The following PARD3B variants were observed in gnomAD, a reference collection of about 807,000 sequenced individuals.
PARD3B encodes partitioning defective 3 homolog B.
Under a neutral mutation model 130.2 loss-of-function variants are expected in PARD3B, and 103 were observed. That is an observed-to-expected ratio of 0.79 (90% CI 0.67 to 0.93). The LOEUF is 0.93. PARD3B is among the 40% of genes least tolerant of loss of function. PARD3B has a pLI of 0.00. For synonymous variants in PARD3B, 583 were observed against 553.2 expected, an observed-to-expected ratio of 1.05 and a Z score of -0.76; for missense variants, 1,609 against 1,499.2, an observed-to-expected ratio of 1.07 and a Z score of -1.21.
chr2:204,735,965 G>C (rs556444432), intron 2 of PARD3B, among the ~76,000 whole-genome samples: 1 of 152,296 alleles, frequency 6.6e-6, no homozygotes, highest in African/African-American at 2.4e-5. Context: ...ATGACAAAAA[G>C]CTGAAATATA....
intron 15 of PARD3B, among the ~76,000 whole-genome samples, chr2:205,238,835 CA>C (rs71879579): frequency 1.2e-3 from 31 of 26,094 alleles, no homozygotes; most frequent in South Asian, 3.2e-3. Flanking sequence ...AACTCCGTTT[CA>C]AAAAAAAAAA....
intron 2 of PARD3B, among the ~76,000 whole-genome samples, chr2:204,773,801 C>T (rs1186131147): frequency 6.6e-6 from 1 of 152,052 alleles, no homozygotes; most frequent in Non-Finnish European, 1.5e-5. Context: ...CTCTTCTCTT[C>T]CACGTACCCC....
chr2:205,466,248 A>C (rs943141821), intron 20 of PARD3B, among the ~76,000 whole-genome samples: 1 of 152,230 alleles, frequency 6.6e-6, no homozygotes, highest in Non-Finnish European at 1.5e-5. Flanking sequence ...ACATGCAGCA[A>C]ATCTTTTTAT....
At chr2:204,570,895 G>A (rs969013030) in intron 1 of PARD3B, among the ~76,000 whole-genome samples, 3 of 149,106 alleles carry the variant, frequency 2.0e-5, no homozygotes, top group Non-Finnish European at 4.4e-5. Context: ...TGCAACTGAG[G>A]TGTATAAGCT....
At position 205,158,666 on chromosome 2, in the gene PARD3B, T is replaced by G; in HGVS notation, c.1435-56T>G. 1.7e-5 allele frequency: 25 copies of G among 1,491,008 alleles called. No homozygotes were observed. The highest frequency in any genetic ancestry group is 2.2e-5 in the Non-Finnish European group (24 of 1,089,860). 92.4% of individuals were successfully genotyped at this position (1,491,008 alleles called of 1,614,324 possible). A position where few individuals can be genotyped will look rare whatever the true frequency, so the allele number is the denominator to read the frequency against. ...ATCTGTGTCTGGTCATCTGAGAGAG[T>G]GAAATATTAATCTGCTTTCTTCTCT... On this transcript the variant is annotated intron_variant, in intron 10 of 22. Transcript: ENST00000406610. This position sits in a 1 kb window ranked among gnomAD's most constrained non-coding sequence, Gnocchi z 5.4.
intron 21 of PARD3B, 125 bp downstream of exon 21, chr2:205,500,156 AG>A: frequency 8.8e-7 from 1 of 1,141,410 alleles, no homozygotes; most frequent in South Asian, 1.8e-5. Flanking sequence ...CTTCATAGAC[AG>A]GAACATTACC....
rs188576355 is a variant in PARD3B at position 204,837,771 on chromosome 2, G to A, written c.223-127381G>A. ...CATTTCGAATTTTCACCTGATTTCC[G>A]CCTCTCTGTAATTTCCAGCCCTTGG... On this transcript the variant is annotated intron_variant, in intron 2 of 22. Transcript: ENST00000406610. 7.3e-4 allele frequency among the ~76,000 whole-genome samples: 111 copies of A among 152,164 alleles called. 1 individual carries two copies. Among genetic ancestry groups the A allele is most frequent in the Middle Eastern group, 6.8e-3 (2 of 294 alleles).
At chr2:205,204,362 T>C (rs1416499810) in intron 15 of PARD3B, among the ~76,000 whole-genome samples, 6 of 152,230 alleles carry the variant, frequency 3.9e-5, no homozygotes, top group African/African-American at 1.4e-4. Flanking sequence ...CTTTGTCAGA[T>C]GGATAGATTG....
chr2:204,741,796 G>A (rs571695884), intron 2 of PARD3B, among the ~76,000 whole-genome samples: 1 of 152,114 alleles, frequency 6.6e-6, no homozygotes, highest in Non-Finnish European at 1.5e-5. Flanking sequence ...GGGATATTAT[G>A]TGCTTCTCAA....
At chr2:205,609,509 C>CA (rs901924095) in intron 22 of PARD3B, among the ~76,000 whole-genome samples, 2 of 152,072 alleles carry the variant, frequency 1.3e-5, no homozygotes, top group Admixed American at 1.3e-4. Flanking sequence ...AATTTGGCCA[C>CA]AGTCAATTAT....
intron 2 of PARD3B, among the ~76,000 whole-genome samples, chr2:204,801,614 A>G (rs1225929384): frequency 2.6e-5 from 4 of 152,156 alleles, no homozygotes; most frequent in Admixed American, 6.5e-5. Flanking sequence ...GGCTGAGACA[A>G]TGGGGTTTTC....
chr2:205,168,834 C>A (rs1213424657), intron 11 of PARD3B, among the ~76,000 whole-genome samples: 1 of 152,046 alleles, frequency 6.6e-6, no homozygotes, highest in African/African-American at 2.4e-5. Context: ...AAGCATTACC[C>A]CTTTAGGGGC....
chr2:204,956,078 A>G (rs1690212601), intron 2 of PARD3B, among the ~76,000 whole-genome samples: 1 of 152,254 alleles, frequency 6.6e-6, no homozygotes, highest in South Asian at 2.1e-4. Context: ...AGTCAGAAGC[A>G]AACCCAGGCC....
chr2:205,471,358 T>C (rs896251375), intron 20 of PARD3B, among the ~76,000 whole-genome samples: 4 of 145,864 alleles, frequency 2.7e-5, no homozygotes, highest in East Asian at 2.0e-4. Flanking sequence ...CTTTTCTTTT[T>C]TTTTTTTTTT....
chr2:205,170,579 A>G (rs1233161218), intron 11 of PARD3B, among the ~76,000 whole-genome samples: 1 of 152,112 alleles, frequency 6.6e-6, no homozygotes, highest in African/African-American at 2.4e-5. Context: ...CGGCGTGGGC[A>G]GTGTGTCTTC....
At position 205,015,047 on chromosome 2, in the gene PARD3B, A is replaced by G. The variant is rs1232692358; in HGVS notation, c.395-32534A>G. 6.6e-6 allele frequency among the ~76,000 whole-genome samples: 1 copy of G among 152,220 alleles called. No individual in the cohort carries two copies. Among genetic ancestry groups the G allele is most frequent in the Non-Finnish European group, 1.5e-5 (1 of 68,040 alleles). ...CCCACATACAGTTGAAAATCTGAGT[A>G]TAACTTGCAACTCCCCAAAAAACTT... On this transcript the variant is annotated intron_variant, in intron 3 of 22. Transcript: ENST00000406610. The surrounding 1 kb of genome is among the most constrained non-coding windows in gnomAD (Gnocchi z 4.5).
chr2:205,119,182 C>T (rs962452420), intron 7 of PARD3B, 136 bp downstream of exon 7: 20 of 1,194,580 alleles, frequency 1.7e-5, no homozygotes, highest in Non-Finnish European at 2.0e-5. Flanking sequence ...TATCCATTTT[C>T]GAATGCTTCT....
chr2:205,171,968 T>C (rs2035197869), intron 11 of PARD3B, among the ~76,000 whole-genome samples: 1 of 152,208 alleles, frequency 6.6e-6, no homozygotes, highest in Non-Finnish European at 1.5e-5. Flanking sequence ...AATGTCTAAA[T>C]TATTGCAGCT....
At chr2:205,240,306 G>A (rs1428842123) in intron 15 of PARD3B, among the ~76,000 whole-genome samples, 2 of 152,092 alleles carry the variant, frequency 1.3e-5, no homozygotes, top group South Asian at 2.1e-4. Context: ...ACTGTTAAGG[G>A]ATTACTTGAT....
Sources: allele counts gnomAD v4.1 joint callset (sites outside exome capture counted in the v4.1 genomes callset), GRCh38; gene constraint gnomAD v4.1.1; non-coding constraint Gnocchi (gnomAD v3.1); transcripts MANE v1.5; gene names NCBI Gene and HGNC (gene_info 2026-07-23, HGNC 2026-07-21).